Variants in SCN8A observed in about 807,000 individuals in gnomAD.
SCN8A encodes sodium channel protein type 8 subunit alpha.
Under a neutral mutation model 184.1 loss-of-function variants are expected in SCN8A, and 30 were observed. The observed-to-expected ratio is 0.16, with a 90% CI of 0.12 to 0.22. The LOEUF (loss-of-function observed/expected upper bound fraction) is 0.22, where lower values mean the gene tolerates loss of function less well. Among genes scored for constraint, SCN8A ranks in the 10% least tolerant of loss-of-function variants. SCN8A has a pLI of 1.00. For synonymous variants in SCN8A, 852 were observed against 907.0 expected (o/e 0.94, Z 1.09); for missense variants, 1,057 against 2,498.9 (o/e 0.42, Z 12.30).
chr12:51,749,043 TC>T (rs1942556761), intron 13 of SCN8A, among the ~76,000 whole-genome samples: 1 of 152,194 alleles, frequency 6.6e-6, no homozygotes, highest in Non-Finnish European at 1.5e-5. Context: ...TTTGGACATC[TC>T]ACCCCTAGAT....
chr12:51,636,239 G>A (rs923054912), intron 1 of SCN8A, among the ~76,000 whole-genome samples: 7 of 152,082 alleles, frequency 4.6e-5, no homozygotes, highest in African/African-American at 7.2e-5. Flanking sequence ...CTCGTGATCC[G>A]CCTGCCTCGG....
At chr12:51,766,223 T>G (rs1031034178) in intron 16 of SCN8A, 196 bp downstream of exon 16, 4 of 608,354 alleles carry the variant, frequency 6.6e-6, no homozygotes, top group African/African-American at 3.7e-5. Context: ...TACTTAGTCA[T>G]GACCCCCACA....
rs1167398797 is a variant in SCN8A, at chr12:51,811,008, T to C, written c.*3579T>C. On this transcript the variant is annotated 3_prime_UTR_variant, in exon 27 of 27. Transcript: ENST00000627620. ...GAAGATTAGTGTATTAGTGAATGCATGGAGGCCAATGCTGCCCTAATGAGA... is the reference window on the plus strand; with the variant it reads ...GAAGATTAGTGTATTAGTGAATGCACGGAGGCCAATGCTGCCCTAATGAGA... 6.6e-6 allele frequency: 1 copy of C among 152,186 alleles called. No homozygotes were observed. The highest frequency in any genetic ancestry group is 1.5e-5 in the Non-Finnish European group (1 of 68,028). The allele number at this position is 152,186 out of a possible 1,614,324, so 9.4% of individuals were successfully genotyped here. A position where few individuals can be genotyped will look rare whatever the true frequency, so the allele number is the denominator to read the frequency against.
rs138038936 is a variant in SCN8A at position 51,604,149 on chromosome 12, G to A, written c.-55+12790G>A. Among the ~76,000 whole-genome samples, 3 of 152,170 alleles carry A rather than the reference G, an allele frequency of 2.0e-5. No individual in the cohort carries two copies. The East Asian group carries it at 5.8e-4, about 29-fold the overall frequency. ...TATAAGAACTCTTTGTCAAATTCAA[G>A]ATGTTCTTGGTTTTCTGTTAAAAAT... On this transcript the variant is annotated intron_variant, in intron 1 of 26. Coordinates refer to ENST00000627620, the MANE Select transcript of SCN8A (RefSeq NM_001330260.2).
At chr12:51,715,429 C>G (rs1012998331) in intron 11 of SCN8A, among the ~76,000 whole-genome samples, 3 of 151,950 alleles carry the variant, frequency 2.0e-5, no homozygotes, top group African/African-American at 4.8e-5. Flanking sequence ...TCTCGTTCAC[C>G]ACTGTATCCA....
In SCN8A at chr12:51,808,834, C is replaced by T. The variant is rs141823772; in HGVS notation, c.*1405C>T. 1,619 of 152,314 alleles carry T rather than the reference C, an allele frequency of 0.011. 16 individuals carry two copies. Among genetic ancestry groups the T allele is most frequent in the Non-Finnish European group, 0.018 (1,245 of 68,056 alleles). The allele number at this position is 152,314 out of a possible 1,614,324, so 9.4% of individuals were successfully genotyped here. ...ACACACTGCATGGCTCCCCCTGCCT[C>T]CATCACATTTCTCCACTGAGCAGGG... On this transcript the variant is annotated 3_prime_UTR_variant, in exon 27 of 27. Coordinates refer to ENST00000627620, the MANE Select transcript of SCN8A (RefSeq NM_001330260.2).
chr12:51,778,069 C>T (rs1158244973), intron 20 of SCN8A, among the ~76,000 whole-genome samples: 1 of 152,144 alleles, frequency 6.6e-6, no homozygotes, highest in Non-Finnish European at 1.5e-5. Flanking sequence ...TTAGTTGGTG[C>T]TACTATGTTC....
Position 51,808,051 on chromosome 12 carries a change from G to A in SCN8A, c.*622G>A, listed in dbSNP as rs1308149906. ...CTTGCTCAGGCCGATTCCAAACATT[G>A]TGCTCGTTCAATGCGTAGAAATGAT... On this transcript the variant is annotated 3_prime_UTR_variant, in exon 27 of 27. Transcript: ENST00000627620. 1 of 167,564 alleles carries A rather than the reference G, an allele frequency of 6.0e-6. No individual in the cohort carries two copies. The highest frequency in any genetic ancestry group is 1.3e-5 in the Non-Finnish European group (1 of 76,218). The allele number at this position is 167,564 out of a possible 1,614,324, so 10.4% of individuals were successfully genotyped here.
At chr12:51,723,316 G>A (rs149811290) in intron 12 of SCN8A, among the ~76,000 whole-genome samples, 3 of 152,032 alleles carry the variant, frequency 2.0e-5, no homozygotes, top group Non-Finnish European at 2.9e-5. Context: ...GACCCTGTTT[G>A]TACAAAAAAT....
intron 2 of SCN8A, among the ~76,000 whole-genome samples, chr12:51,680,073 T>TC: frequency 6.6e-6 from 1 of 152,194 alleles, no homozygotes; most frequent in African/African-American, 2.4e-5. Flanking sequence ...AATCTAATTA[T>TC]TTCAATAATA....
At chr12:51,679,622 T>C (rs1941290816) in intron 2 of SCN8A, among the ~76,000 whole-genome samples, 1 of 152,158 alleles carries the variant, frequency 6.6e-6, no homozygotes, top group Non-Finnish European at 1.5e-5. Flanking sequence ...GTGCCGGGTA[T>C]ATTACTTATC....
At chr12:51,741,320 T>C (rs528566643) in intron 12 of SCN8A, among the ~76,000 whole-genome samples, 1 of 152,376 alleles carries the variant, frequency 6.6e-6, no homozygotes, top group East Asian at 1.9e-4. Flanking sequence ...GGAATATCTT[T>C]TTCCATCCAT....
chr12:51,638,775 A>G (rs954457428), intron 1 of SCN8A, among the ~76,000 whole-genome samples: 1 of 152,080 alleles, frequency 6.6e-6, no homozygotes, highest in Non-Finnish European at 1.5e-5. Context: ...ATGAGCCACC[A>G]CACCCGGCCG....
At chr12:51,646,550 T>G (rs532837655) in intron 1 of SCN8A, among the ~76,000 whole-genome samples, 1 of 152,328 alleles carries the variant, frequency 6.6e-6, no homozygotes, top group Admixed American at 6.5e-5. Context: ...ATTATGTATA[T>G]TTTACCACAA....
At chr12:51,759,789 A>G (rs1284729530) in intron 14 of SCN8A, among the ~76,000 whole-genome samples, 3 of 152,242 alleles carry the variant, frequency 2.0e-5, no homozygotes, top group Non-Finnish European at 4.4e-5. Context: ...ACAGAGTACC[A>G]TAGACTGGGT....
intron 1 of SCN8A, among the ~76,000 whole-genome samples, chr12:51,629,527 C>T (rs1940151708): frequency 1.4e-5 from 2 of 142,646 alleles, no homozygotes; most frequent in African/African-American, 2.7e-5. Context: ...AGGTACCTTG[C>T]AACTCTGGTA....
At chr12:51,628,487 C>A (rs56019353) in intron 1 of SCN8A, among the ~76,000 whole-genome samples, 4,478 of 152,210 alleles carry the variant, frequency 0.029, 240 homozygotes, top group African/African-American at 0.1. Flanking sequence ...CAAGAATTAG[C>A]AATCTTTATG....
intron 12 of SCN8A, among the ~76,000 whole-genome samples, chr12:51,743,575 A>T (rs536876324): frequency 6.6e-6 from 1 of 152,242 alleles, no homozygotes; most frequent in South Asian, 2.1e-4. Flanking sequence ...GAGTGTGTTG[A>T]TGTAAGCACC....
chr12:51,808,999 T>G lies in SCN8A; in HGVS notation c.*1570T>G, dbSNP rs547529064. 6.6e-6 allele frequency: 1 copy of G among 152,310 alleles called. No individual in the cohort carries two copies. Among genetic ancestry groups the G allele is most frequent in the South Asian group, 2.1e-4 (1 of 4,822 alleles). The allele number at this position is 152,310 out of a possible 1,614,324, so 9.4% of individuals were successfully genotyped here. A position where few individuals can be genotyped will look rare whatever the true frequency, so the allele number is the denominator to read the frequency against. ...CGCCTCTGAACCAAGCCCACTTGGT[T>G]TCTTTACTGCACTGGTTTTCATGAG... On this transcript the variant is annotated 3_prime_UTR_variant, in exon 27 of 27. Coordinates refer to ENST00000627620, the MANE Select transcript of SCN8A (RefSeq NM_001330260.2).
Sources: allele counts gnomAD v4.1 joint callset (sites outside exome capture counted in the v4.1 genomes callset), GRCh38; gene constraint gnomAD v4.1.1; transcripts MANE v1.5; gene names NCBI Gene and HGNC (gene_info 2026-07-23, HGNC 2026-07-21).